ST18: variants seen among roughly 807,000 people sequenced by gnomAD.
ST18 encodes suppression of tumorigenicity 18 protein.
In ST18, 50 loss-of-function variants were observed where a neutral mutation model predicts 110.0. The observed-to-expected ratio is 0.45, with a 90% CI of 0.36 to 0.58. The LOEUF (loss-of-function observed/expected upper bound fraction) is 0.58. Among genes scored for constraint, ST18 ranks in the 20% least tolerant of loss-of-function variants. The pLI, the probability that ST18 is intolerant of heterozygous loss-of-function variation, is 0.00. For missense variants in ST18, 1,306 were observed against 1,280.1 expected (o/e 1.02, Z -0.31); for synonymous variants, 461 against 452.4 (o/e 1.02, Z -0.24).
chr8:52,199,980 C>T (rs967790352), intron 8 of ST18, among the ~76,000 whole-genome samples: 6 of 152,154 alleles, frequency 3.9e-5, no homozygotes, highest in South Asian at 2.1e-4. Flanking sequence ...TAGGAATTAC[C>T]GCAATGTGTT....
At chr8:52,305,076 A>C (rs781230132) in intron 2 of ST18, among the ~76,000 whole-genome samples, 5 of 152,220 alleles carry the variant, frequency 3.3e-5, no homozygotes, top group African/African-American at 7.2e-5. Context: ...AAGATCATTT[A>C]AACATAAATA....
intron 21 of ST18, 143 bp downstream of exon 21, chr8:52,132,914 C>A: frequency 1.1e-6 from 1 of 909,320 alleles, no homozygotes; most frequent in African/African-American, 1.7e-5. Flanking sequence ...TCTCAAACCA[C>A]CAAATAGTTT....
rs554891055 is a variant in ST18 at position 52,167,130 on chromosome 8, C to G, written c.1070-144G>C. 3 of 1,156,552 alleles carry G rather than the reference C, an allele frequency of 2.6e-6. No individual in the cohort carries two copies. The East Asian group carries it at 7.5e-5, about 29-fold the overall frequency. 71.6% of individuals were successfully genotyped at this position (1,156,552 alleles called of 1,614,324 possible). ...TTCTCACATCGCCTTGAACAAGACC[C>G]TCAACTAAGACCTGTGGAAACGGAA... On this transcript the variant is annotated intron_variant, in intron 10 of 25. Coordinates refer to ENST00000689386, the MANE Select transcript of ST18 (RefSeq NM_001352837.2).
At chr8:52,234,356 C>T (rs879521708) in intron 2 of ST18, among the ~76,000 whole-genome samples, 2 of 152,156 alleles carry the variant, frequency 1.3e-5, no homozygotes, top group Non-Finnish European at 2.9e-5. Flanking sequence ...CCTCCGCCCC[C>T]CGGATTCAAG....
At chr8:52,329,639 T>C (rs1589961370) in intron 2 of ST18, among the ~76,000 whole-genome samples, 1 of 151,980 alleles carries the variant, frequency 6.6e-6, no homozygotes, top group East Asian at 1.9e-4. Flanking sequence ...CCTGTAATCC[T>C]AGCTACTCAG....
intron 2 of ST18, among the ~76,000 whole-genome samples, chr8:52,358,428 G>T (rs1008765144): frequency 1.3e-5 from 2 of 151,768 alleles, no homozygotes; most frequent in South Asian, 4.1e-4. Context: ...TTTAAAAAGG[G>T]AAAAAAATTG....
At chr8:52,354,269 A>G (rs1821695054) in intron 2 of ST18, among the ~76,000 whole-genome samples, 1 of 152,204 alleles carries the variant, frequency 6.6e-6, no homozygotes, top group Non-Finnish European at 1.5e-5. Context: ...AGTGAGGGTG[A>G]AACCTGGAAA....
intron 15 of ST18, among the ~76,000 whole-genome samples, chr8:52,155,429 C>T (rs147561007): frequency 1.0e-3 from 159 of 152,122 alleles, no homozygotes; most frequent in Admixed American, 4.9e-3. Flanking sequence ...AATCTTCTGC[C>T]TCTGGGACAT....
intron 8 of ST18, among the ~76,000 whole-genome samples, chr8:52,186,121 C>T (rs755229014): frequency 2.6e-5 from 4 of 152,046 alleles, no homozygotes; most frequent in Non-Finnish European, 4.4e-5. Context: ...TTTCCAAAGA[C>T]CATTAAGAGA....
intron 2 of ST18, among the ~76,000 whole-genome samples, chr8:52,233,668 G>C (rs2092030423): frequency 6.6e-6 from 1 of 152,070 alleles, no homozygotes; most frequent in Non-Finnish European, 1.5e-5. Context: ...GTTTATATCA[G>C]GCGTTTCGTC....
intron 25 of ST18, among the ~76,000 whole-genome samples, chr8:52,113,961 T>TTTG (rs1563453739): frequency 7.5e-5 from 4 of 53,374 alleles, no homozygotes; most frequent in Non-Finnish European, 1.4e-4. Context: ...CGTGTTTTTT[T>TTTG]TTTTTTTTTT....
At chr8:52,123,815 G>T (rs923355739) in intron 23 of ST18, among the ~76,000 whole-genome samples, 1 of 152,324 alleles carries the variant, frequency 6.6e-6, no homozygotes, top group East Asian at 1.9e-4. Flanking sequence ...CCCCTGCAAA[G>T]CTCTATCATA....
At chr8:52,150,023 T>C in intron 15 of ST18, 46 bp from the exon 16 acceptor site, 4 of 1,580,720 alleles carry the variant, frequency 2.5e-6, no homozygotes, top group African/African-American at 1.3e-5. Context: ...AGTTTGCAGT[T>C]ACAGCCTAGC....
intron 2 of ST18, among the ~76,000 whole-genome samples, chr8:52,276,594 T>C (rs1317902619): frequency 6.6e-6 from 1 of 152,080 alleles, no homozygotes; most frequent in Admixed American, 6.6e-5. Flanking sequence ...CTAGTGCCCC[T>C]CTGCCCATTC....
At chr8:52,197,916 T>C (rs908602113) in intron 8 of ST18, among the ~76,000 whole-genome samples, 4 of 120,832 alleles carry the variant, frequency 3.3e-5, no homozygotes, top group Non-Finnish European at 5.4e-5. Flanking sequence ...CACACACAAA[T>C]ACAGAACTTC....
At chr8:52,113,390 A>AAAAGAAGG (rs773626674) in intron 25 of ST18, 52 bp from the exon 26 acceptor site, 97 of 1,596,722 alleles carry the variant, frequency 6.1e-5, no homozygotes, top group Non-Finnish European at 8.0e-5. Flanking sequence ...AGGCTGAGGG[A>AAAAGAAGG]AAAGAAGGAC....
chr8:52,350,350 G>A (rs1484437516), intron 2 of ST18, among the ~76,000 whole-genome samples: 1 of 152,134 alleles, frequency 6.6e-6, no homozygotes, highest in African/African-American at 2.4e-5. Flanking sequence ...TCTGTGACGT[G>A]TTTGACCTTG....
chr8:52,219,182 G>A (rs2085639693), intron 5 of ST18, among the ~76,000 whole-genome samples: 1 of 152,128 alleles, frequency 6.6e-6, no homozygotes, highest in South Asian at 2.1e-4. Flanking sequence ...GAGCAAAGAT[G>A]TTTACCTGTC....
At position 52,374,394 on chromosome 8, in the gene ST18, G is replaced by A. The variant is rs1180169964; in HGVS notation, c.-465+34934C>T. Among the ~76,000 whole-genome samples the A allele has an allele frequency of 2.0e-5, 3 of 152,108 alleles. No individual in the cohort carries two copies. The East Asian group carries it at 5.8e-4, about 29-fold the overall frequency. On this transcript the variant is annotated intron_variant, in intron 2 of 25. Coordinates refer to ENST00000689386, the MANE Select transcript of ST18 (RefSeq NM_001352837.2). ...GCAGCCGCCAGCAGTGGGAGAGGCA[G>A]GAACACACTCCCTCGGAGCCTCCAG... is the stretch of plus-strand genomic sequence containing the variant.
Sources: allele counts gnomAD v4.1 joint callset (sites outside exome capture counted in the v4.1 genomes callset), GRCh38; gene constraint gnomAD v4.1.1; transcripts MANE v1.5; gene names NCBI Gene and HGNC (gene_info 2026-07-23, HGNC 2026-07-21).